The following MMP16 variants were observed in gnomAD, a reference collection of about 807,000 sequenced individuals.
MMP16 encodes the protein matrix metalloproteinase-16.
A neutral mutation model predicts 67.8 loss-of-function variants in MMP16; 12 were observed. That is an observed-to-expected ratio of 0.18 (90% CI 0.11 to 0.29). The LOEUF (loss-of-function observed/expected upper bound fraction) is 0.29, where lower values mean the gene tolerates loss of function less well. Ranked by LOEUF, MMP16 falls within the 10% of genes least tolerant of loss-of-function variation. The pLI is 1.00. For synonymous variants in MMP16, 249 were observed against 255.9 expected, an observed-to-expected ratio of 0.97 and a Z score of 0.26; for missense variants, 475 against 765.7, an observed-to-expected ratio of 0.62 and a Z score of 4.48.
At chr8:88,326,436 C>G (rs562681287) in intron 1 of MMP16, among the ~76,000 whole-genome samples, 1 of 151,948 alleles carries the variant, frequency 6.6e-6, no homozygotes, top group African/African-American at 2.4e-5. Flanking sequence ...TACATTGGGC[C>G]ACGTTTATTT....
At chr8:88,153,822 C>T (rs1349824250) in intron 4 of MMP16, among the ~76,000 whole-genome samples, 8 of 151,184 alleles carry the variant, frequency 5.3e-5, no homozygotes, top group Admixed American at 2.0e-4. Flanking sequence ...ACTTCATGTC[C>T]AAAACACCAA....
chr8:88,165,325 AT>A (rs996910181), intron 4 of MMP16, among the ~76,000 whole-genome samples: 1 of 151,844 alleles, frequency 6.6e-6, no homozygotes, highest in Non-Finnish European at 1.5e-5. Context: ...TTCATATAGG[AT>A]TTTAATAATT....
intron 4 of MMP16, among the ~76,000 whole-genome samples, chr8:88,125,363 T>A (rs1421218795): frequency 1.3e-5 from 2 of 151,930 alleles, no homozygotes; most frequent in African/African-American, 4.8e-5. Context: ...TTAAAGCATG[T>A]CTAATAAGGC....
chr8:88,058,021 G>T lies in MMP16; in HGVS notation c.1223-1743C>A, dbSNP rs188594290. Among the ~76,000 whole-genome samples, 1 of 152,186 alleles carries T rather than the reference G, an allele frequency of 6.6e-6. No homozygotes were observed. Among genetic ancestry groups the T allele is most frequent in the East Asian group, 1.9e-4 (1 of 5,172 alleles). ...AAGGGAACTTACTTTAAGTAAAAAG[G>T]TCAGGGAAGACCTCTCTGAAGAAAT... On this transcript the variant is annotated intron_variant, in intron 7 of 9. Coordinates refer to ENST00000286614, the MANE Select transcript of MMP16 (RefSeq NM_005941.5). The surrounding 1 kb of genome is among the most constrained non-coding windows in gnomAD (Gnocchi z 4.2).
At chr8:88,278,528 C>A (rs749054171) in intron 1 of MMP16, among the ~76,000 whole-genome samples, 8 of 152,168 alleles carry the variant, frequency 5.3e-5, no homozygotes, top group Non-Finnish European at 1.2e-4. Flanking sequence ...GAAGACACAT[C>A]AAGCTTATAG....
chr8:88,250,446 T>C (rs1810192296), intron 1 of MMP16, among the ~76,000 whole-genome samples: 1 of 151,964 alleles, frequency 6.6e-6, no homozygotes, highest in African/African-American at 2.4e-5. Flanking sequence ...AGACTACCAT[T>C]AATTCAATTT....
At chr8:88,254,642 G>A (rs1270132298) in intron 1 of MMP16, among the ~76,000 whole-genome samples, 1 of 152,050 alleles carries the variant, frequency 6.6e-6, no homozygotes, top group Non-Finnish European at 1.5e-5. Flanking sequence ...ACTGATAGCT[G>A]AATAAATAAA....
intron 1 of MMP16, among the ~76,000 whole-genome samples, chr8:88,268,168 C>G (rs899463524): frequency 6.6e-6 from 1 of 152,096 alleles, no homozygotes; most frequent in Non-Finnish European, 1.5e-5. Context: ...CATGGAGAAA[C>G]CCTGTCTCTA....
At chr8:88,051,554 G>C (rs926590646) in intron 8 of MMP16, among the ~76,000 whole-genome samples, 5 of 152,178 alleles carry the variant, frequency 3.3e-5, no homozygotes, top group Admixed American at 1.3e-4. Flanking sequence ...CTCAGAATCA[G>C]TCTTAAAAAT....
At chr8:88,198,296 A>G (rs1223770146) in intron 1 of MMP16, among the ~76,000 whole-genome samples, 1 of 152,106 alleles carries the variant, frequency 6.6e-6, no homozygotes, top group African/African-American at 2.4e-5. Context: ...TCAATCTTCT[A>G]TAGGGCTCTA....
At chr8:88,057,118 C>G (rs1478688351) in intron 7 of MMP16, among the ~76,000 whole-genome samples, 1 of 152,050 alleles carries the variant, frequency 6.6e-6, no homozygotes, top group Admixed American at 6.6e-5. Context: ...AAAAAATTTT[C>G]CACCCTTATC....
chr8:88,256,545 G>A (rs987237121), intron 1 of MMP16, among the ~76,000 whole-genome samples: 1 of 152,020 alleles, frequency 6.6e-6, no homozygotes, highest in Admixed American at 6.6e-5. Flanking sequence ...ACTTATTTTT[G>A]AATCAAACCG....
At position 88,108,523 on chromosome 8, in the gene MMP16, A is replaced by T. The variant is rs74889594; in HGVS notation, c.1083+7984T>A. ...TTTTAACCTTTTTTCTTCTTTATGT[A>T]ATATGGAATATCTGGAGGTGCAGCA... On this transcript the variant is annotated intron_variant, in intron 6 of 9. Transcript: ENST00000286614. Among the ~76,000 whole-genome samples the T allele has an allele frequency of 9.6e-3, 1,450 of 151,404 alleles. 20 individuals carry two copies. The highest frequency in any genetic ancestry group is 0.071 in the Middle Eastern group (21 of 294).
intron 7 of MMP16, among the ~76,000 whole-genome samples, chr8:88,074,378 A>G (rs1563524116): frequency 1.3e-5 from 2 of 152,142 alleles, no homozygotes. Flanking sequence ...AGTCAAATCT[A>G]AAAGTTCTAA....
chr8:88,325,027 T>C (rs1471045407), intron 1 of MMP16, among the ~76,000 whole-genome samples: 3 of 152,224 alleles, frequency 2.0e-5, no homozygotes, highest in African/African-American at 7.2e-5. Context: ...TTTAAAGGTC[T>C]GAGATGGCAC....
chr8:88,231,575 A>C (rs1011295375), intron 1 of MMP16, among the ~76,000 whole-genome samples: 1 of 152,074 alleles, frequency 6.6e-6, no homozygotes, highest in African/African-American at 2.4e-5. Flanking sequence ...AAGCCATGAA[A>C]CTCTTTCTCT....
At chr8:88,167,332 A>G (rs1808731230) in intron 4 of MMP16, among the ~76,000 whole-genome samples, 1 of 152,198 alleles carries the variant, frequency 6.6e-6, no homozygotes. Context: ...TGCAAAAAAA[A>G]CAGCAGAATT....
chr8:88,201,836 T>C (rs982122255), intron 1 of MMP16, among the ~76,000 whole-genome samples: 5 of 152,156 alleles, frequency 3.3e-5, no homozygotes, highest in Non-Finnish European at 7.4e-5. Context: ...GCAAAGGCAG[T>C]AACAGCTTAA....
intron 1 of MMP16, among the ~76,000 whole-genome samples, chr8:88,285,814 A>T (rs1411397624): frequency 6.6e-6 from 1 of 152,154 alleles, no homozygotes; most frequent in Non-Finnish European, 1.5e-5. Flanking sequence ...CAACCAACAC[A>T]TTATCCATCT....
Sources: gnomAD v4.1 joint callset for allele counts (sites outside exome capture counted in the v4.1 genomes callset) on GRCh38, gnomAD v4.1.1 for gene constraint, Gnocchi (gnomAD v3.1) non-coding constraint, MANE v1.5 for transcripts, NCBI Gene and HGNC (gene_info 2026-07-23, HGNC 2026-07-21) for gene names.